The following HELZ2 variants were observed in gnomAD, a reference collection of about 807,000 sequenced individuals.
The protein encoded by HELZ2 is 3'-5' exoribonuclease HELZ2.
In HELZ2, 143 loss-of-function variants were observed where a neutral mutation model predicts 208.8. That is an observed-to-expected ratio of 0.68 (90% CI 0.60 to 0.79). HELZ2 has a LOEUF of 0.79. Ranked by LOEUF, HELZ2 falls within the 30% of genes least tolerant of loss-of-function variation. The pLI, the probability that HELZ2 is intolerant of heterozygous loss-of-function variation, is 0.00. For synonymous variants in HELZ2, 1,705 were observed against 1,693.7 expected (o/e 1.01, Z -0.16); for missense variants, 3,690 against 3,794.5 (o/e 0.97, Z 0.72).
chr20:63,568,801 C>G (rs776370609), exon 5 of HELZ2: 8 of 1,612,058 alleles, frequency 5.0e-6, no homozygotes, highest in Non-Finnish European at 6.8e-6. Flanking sequence ...CCTCGAACAC[C>G]GTATTGTCGG....
chr20:63,566,436 C>T, exon 7 of HELZ2: 1 of 1,548,444 alleles, frequency 6.5e-7, no homozygotes, highest in African/African-American at 1.4e-5. Flanking sequence ...TCCTCAGCTC[C>T]TGCCTCAGTG....
exon 17 of HELZ2, chr20:63,560,285 G>A (rs1239308855): frequency 6.4e-7 from 1 of 1,562,786 alleles, no homozygotes; most frequent in East Asian, 2.3e-5. Flanking sequence ...ATGTCCTGGG[G>A]CTCTACGGTC....
chr20:63,564,298 C>T, exon 8 of HELZ2: 1 of 1,606,780 alleles, frequency 6.2e-7, no homozygotes, highest in Non-Finnish European at 8.5e-7. Context: ...CGTCCGGCTG[C>T]TCATAGAAGC....
At chr20:63,570,578 A>C (rs778225264) in exon 3 of HELZ2, 4 of 1,613,128 alleles carry the variant, frequency 2.5e-6, no homozygotes, top group Non-Finnish European at 1.7e-6. Flanking sequence ...GGCTGGTTGC[A>C]GGTGACACGC....
chr20:63,567,052 C>A (rs2082968801), exon 6 of HELZ2: 5 of 1,611,928 alleles, frequency 3.1e-6, no homozygotes, highest in South Asian at 1.1e-5. Context: ...CGGAACCTTG[C>A]CCCTGGCGTG....
chr20:63,565,424 G>A, exon 8 of HELZ2: 1 of 1,610,994 alleles, frequency 6.2e-7, no homozygotes, highest in Non-Finnish European at 8.5e-7. Context: ...TGGCACGAAA[G>A]AGCAGTGGCG....
intron 3 of HELZ2, 77 bp downstream of exon 4, chr20:63,570,427 C>T: frequency 1.7e-6 from 2 of 1,164,802 alleles, no homozygotes; most frequent in Non-Finnish European, 1.3e-6. Context: ...ATGACCCAGG[C>T]TGTTGACGTC....
exon 8 of HELZ2, chr20:63,565,208 A>G (rs2146015010): frequency 6.2e-7 from 1 of 1,608,526 alleles, no homozygotes; most frequent in South Asian, 1.1e-5. Flanking sequence ...CATGCGGCAC[A>G]CAAACGCCAG....
At position 63,560,104 on chromosome 20, in the gene HELZ2, T is replaced by C; in HGVS notation, c.7658-9A>G. The C allele has an allele frequency of 6.3e-7, 1 of 1,584,334 alleles. No individual in the cohort carries two copies. Among genetic ancestry groups the C allele is most frequent in the South Asian group, 1.1e-5 (1 of 88,660 alleles). On this transcript the variant is annotated splice_polypyrimidine_tract_variant and intron_variant, in intron 17 of 18. Coordinates refer to ENST00000467148, the Ensembl canonical transcript of HELZ2. ...ATAGCGCCACTCGCTCCCTGCGGGA[T>C]GGGAGGTGAGGCCCTGCTGCCGCTG...
downstream of HELZ2, chr20:63,559,180 G>C (rs980630645): frequency 2.1e-6 from 3 of 1,443,964 alleles, no homozygotes; most frequent in African/African-American, 4.3e-5. Context: ...GGAGGGTGGT[G>C]GGGAGGGTGG....
Position 63,570,857 on chromosome 20 carries a change from C to T in HELZ2, c.290G>A (p.Cys97Tyr), listed in dbSNP as rs1484331983. Residue 97 changes from cysteine to tyrosine, a missense_variant, in exon 2 of 19, where the codon TGT (cysteine) becomes TAT (tyrosine). Transcript: ENST00000467148. Reference sequence around the variant, plus strand: ...CTTGGTGCAGGCGTCCCCATACTCACAGAGGTCAGGCCTGGGGGACAGGGA... The same window carrying T: ...CTTGGTGCAGGCGTCCCCATACTCATAGAGGTCAGGCCTGGGGGACAGGGA... 6.3e-7 allele frequency: 1 copy of T among 1,594,226 alleles called. No individual in the cohort carries two copies. Among genetic ancestry groups the T allele is most frequent in the African/African-American group, 1.3e-5 (1 of 74,552 alleles).
chr20:63,568,420 C>G (rs1464296109), exon 5 of HELZ2: 1 of 1,608,614 alleles, frequency 6.2e-7, no homozygotes, highest in Non-Finnish European at 8.5e-7. Flanking sequence ...CCAGGGAGGC[C>G]ATGGCCAGCG....
At chr20:63,565,832 T>TTCACCATGGCCG in exon 8 of HELZ2, 1 of 1,599,106 alleles carries the variant, frequency 6.3e-7, no homozygotes, top group South Asian at 1.1e-5. Flanking sequence ...CGGCTCTGCC[T>TTCACCATGGCCG]TCACCATGGC....
At chr20:63,569,992 A>G (rs1484281283) in intron 3 of HELZ2, 2 of 478,978 alleles carry the variant, frequency 4.2e-6, no homozygotes, top group Non-Finnish European at 7.6e-6. Flanking sequence ...TCTTGTCGCC[A>G]GGCTGGAGTG....
chr20:63,572,630 A>C (rs2083026632), upstream of HELZ2: 5 of 508,762 alleles, frequency 9.8e-6, no homozygotes, highest in African/African-American at 6.1e-5. Context: ...CCTGAAGCAG[A>C]GGGAGCAAAG....
At chr20:63,561,560 T>G (rs1378969799) in intron 12 of HELZ2, 41 bp downstream of exon 13, 1 of 1,581,120 alleles carries the variant, frequency 6.3e-7, no homozygotes, top group Non-Finnish European at 8.6e-7. Flanking sequence ...TCTGGACAGC[T>G]CGGCCCCACT....
chr20:63,560,343 G>A lies in HELZ2; in HGVS notation c.7501-16C>T, dbSNP rs763428917. 11 of 1,554,496 alleles carry A rather than the reference G, an allele frequency of 7.1e-6. No homozygotes were observed. The highest frequency in any genetic ancestry group is 1.8e-5 in the Admixed American group (1 of 54,224). The stretch of plus-strand genomic sequence containing the variant: ...TGATACGGACCTGAGGAGCCGAGGG[G>A]GCAGGTGGAGCGGACCCTGGTGTCT... On this transcript the variant is annotated splice_polypyrimidine_tract_variant and intron_variant, in intron 16 of 18. Coordinates refer to ENST00000467148, the Ensembl canonical transcript of HELZ2.
At chr20:63,560,877 C>T (rs774221878) in exon 15 of HELZ2, 14 of 1,613,264 alleles carry the variant, frequency 8.7e-6, no homozygotes, top group East Asian at 2.2e-5. Context: ...GTTTTGCAGC[C>T]GCTCATTCTT....
intron 8 of HELZ2, 27 bp downstream of exon 9, chr20:63,562,493 C>A (rs1197066162): frequency 6.5e-7 from 1 of 1,544,190 alleles, no homozygotes. Context: ...TCCCCCAGCC[C>A]AGCCTCTGCT....
Sources: allele counts gnomAD v4.1 joint callset, GRCh38; gene constraint gnomAD v4.1.1; transcripts MANE v1.5; gene names NCBI Gene and HGNC (gene_info 2026-07-23, HGNC 2026-07-21).